WWC1: variants seen among roughly 807,000 people sequenced by gnomAD.
WWC1 encodes WW and C2 domain containing 1.
WWC1 carries 55 observed loss-of-function variants against 138.4 expected under a neutral mutation model. The ratio of observed to expected loss-of-function variants is 0.40; its 90% CI spans 0.32 to 0.50. The LOEUF is 0.50. Ranked by LOEUF, WWC1 falls within the 20% of genes least tolerant of loss-of-function variation. The pLI is 0.72. For missense variants in WWC1, 1,226 were observed against 1,420.4 expected (o/e 0.86, Z 2.20); for synonymous variants, 524 against 564.9 (o/e 0.93, Z 1.03).
chr5:168,422,210 A>G, intron 10 of WWC1, 113 bp downstream of exon 10: 1 of 1,044,302 alleles, frequency 9.6e-7, no homozygotes, highest in Non-Finnish European at 1.4e-6. Context: ...TTGAGAGTGG[A>G]TGTTTAGAAG....
intron 19 of WWC1, among the ~76,000 whole-genome samples, chr5:168,457,463 G>A (rs1287459250): frequency 1.3e-5 from 2 of 152,118 alleles, no homozygotes; most frequent in Non-Finnish European, 2.9e-5. Context: ...CCAGCTCCGC[G>A]TGTCTCAGTC....
chr5:168,389,591 ATTTTTGT>A (rs1323286828), intron 3 of WWC1, among the ~76,000 whole-genome samples: 5 of 88,820 alleles, frequency 5.6e-5, no homozygotes, highest in South Asian at 9.7e-4. Context: ...TAACTATTGA[ATTTTTGT>A]TTTTTTTTTT....
chr5:168,336,196 A>C (rs1027554033), intron 1 of WWC1, among the ~76,000 whole-genome samples: 1 of 152,186 alleles, frequency 6.6e-6, no homozygotes, highest in African/African-American at 2.4e-5. Flanking sequence ...TGATTTCCAA[A>C]GGCCTTTCCA....
chr5:168,429,090 C>T (rs1302159066), intron 13 of WWC1, among the ~76,000 whole-genome samples: 2 of 152,150 alleles, frequency 1.3e-5, no homozygotes, highest in East Asian at 1.9e-4. Context: ...GACCTCCTGC[C>T]TCTCAGTGTG....
rs866179888 is a variant in WWC1, at chr5:168,353,952, T to C, written c.120-17472T>C. On this transcript the variant is annotated intron_variant, in intron 1 of 22. Coordinates refer to ENST00000265293, the MANE Select transcript of WWC1 (RefSeq NM_015238.3). The stretch of plus-strand genomic sequence containing the variant: ...AATAGTTTGTGTGTTTACTTCCAGC[T>C]GGGTTTAAGTTCATACTTGGTGCTG... 1.1e-4 allele frequency among the ~76,000 whole-genome samples: 16 copies of C among 152,372 alleles called. No homozygotes were observed. The Middle Eastern group carries it at 0.01, about 97-fold the overall frequency.
At chr5:168,437,649 A>G (rs1444637816) in intron 15 of WWC1, among the ~76,000 whole-genome samples, 2 of 152,224 alleles carry the variant, frequency 1.3e-5, no homozygotes, top group East Asian at 1.9e-4. Context: ...GAATAAATGA[A>G]TGAATGAATA....
At chr5:168,460,820 CT>C in intron 20 of WWC1, 78 bp downstream of exon 20, 1 of 1,410,724 alleles carries the variant, frequency 7.1e-7, no homozygotes, top group East Asian at 2.3e-5. Context: ...GCACACACAT[CT>C]CCTAATGTCT....
At chr5:168,452,943 G>C (rs1319471473) in intron 17 of WWC1, among the ~76,000 whole-genome samples, 1 of 152,226 alleles carries the variant, frequency 6.6e-6, no homozygotes, top group Non-Finnish European at 1.5e-5. Flanking sequence ...GGAGTGAACT[G>C]TCTGGGCGCG....
chr5:168,355,368 C>G (rs1775313795), intron 1 of WWC1, among the ~76,000 whole-genome samples: 1 of 151,918 alleles, frequency 6.6e-6, no homozygotes, highest in Non-Finnish European at 1.5e-5. Flanking sequence ...GTGGTGGGGG[C>G]CTGGAATCCC....
rs185873833 is a variant in WWC1, at chr5:168,452,319, A to G, written c.2526-1649A>G. On this transcript the variant is annotated intron_variant, in intron 17 of 22. Transcript: ENST00000265293. ...TTCAAACATTGAAGCCCTAACCCCTAGTACCTCAGAATGTGACTGTATTTG... is the reference window on the plus strand; with the variant it reads ...TTCAAACATTGAAGCCCTAACCCCTGGTACCTCAGAATGTGACTGTATTTG... Among the ~76,000 whole-genome samples the G allele has an allele frequency of 2.4e-4, 37 of 152,320 alleles. No homozygotes were observed. The East Asian group carries it at 6.8e-3, about 28-fold the overall frequency.
chr5:168,430,182 G>T lies in WWC1; in HGVS notation c.2046G>T (p.Leu682=). The change falls in exon 14 of 23, where the codon CTG becomes CTT. Residue 682 remains leucine (L), a synonymous_variant. Transcript: ENST00000265293. ...AATTTGCAATATTAATCATCCAGCT[G>T]AGTAACCTTTCTGCTCTGTTGCAGC... ...NKQFAILIIQ[L]SNLSALLQQQ... The T allele has an allele frequency of 6.2e-7, 1 of 1,614,122 alleles. No individual in the cohort carries two copies. Among genetic ancestry groups the T allele is most frequent in the South Asian group, 1.1e-5 (1 of 91,032 alleles).
chr5:168,373,491 T>C (rs921828983), intron 2 of WWC1, among the ~76,000 whole-genome samples: 1 of 151,902 alleles, frequency 6.6e-6, no homozygotes, highest in Non-Finnish European at 1.5e-5. Flanking sequence ...TTGATAGCAA[T>C]ATAGTAGGAA....
chr5:168,412,038 C>T lies in WWC1; in HGVS notation c.941+2043C>T, dbSNP rs1405710249. 2.8e-5 allele frequency: 28 copies of T among 985,324 alleles called. No homozygotes were observed. The Admixed American group carries it at 1.5e-3, about 54-fold the overall frequency. The allele number at this position is 985,324 out of a possible 1,614,324, so 61.0% of individuals were successfully genotyped here. A position where few individuals can be genotyped will look rare whatever the true frequency, so the allele number is the denominator to read the frequency against. ...GGCGTCCAGCAAAACAGCAAGACAT[C>T]TGTATTTGGACAGCCACTTCTTGTT... On this transcript the variant is annotated intron_variant, in intron 8 of 22. Transcript: ENST00000265293.
intron 15 of WWC1, among the ~76,000 whole-genome samples, chr5:168,433,737 CATGTTGGCCAGGCTGA>C (rs1344541255): frequency 6.6e-6 from 1 of 152,098 alleles, no homozygotes; most frequent in African/African-American, 2.4e-5. Flanking sequence ...GGGGTTTTGC[CATGTTGGCCAGGCTGA>C]TCTTGAACTC....
At chr5:168,434,267 G>A (rs1247906161) in intron 15 of WWC1, among the ~76,000 whole-genome samples, 9 of 152,206 alleles carry the variant, frequency 5.9e-5, no homozygotes, top group South Asian at 2.1e-4. Context: ...CTCTGCCTGC[G>A]GCCAATGGGA....
At chr5:168,463,463 A>G (rs1176595391) in intron 20 of WWC1, among the ~76,000 whole-genome samples, 1 of 152,208 alleles carries the variant, frequency 6.6e-6, no homozygotes, top group Admixed American at 6.5e-5. Flanking sequence ...CTTTAAGGCC[A>G]GCAGAAGAGC....
intron 1 of WWC1, among the ~76,000 whole-genome samples, chr5:168,369,683 A>G (rs772886428): frequency 1.8e-4 from 27 of 152,154 alleles, no homozygotes; most frequent in Non-Finnish European, 3.2e-4. Context: ...TATTCATTCA[A>G]CCAAAAGGTA....
chr5:168,433,406 G>A (rs1782101543), intron 15 of WWC1, among the ~76,000 whole-genome samples: 1 of 152,196 alleles, frequency 6.6e-6, no homozygotes, highest in Non-Finnish European at 1.5e-5. Flanking sequence ...CTGGATATCG[G>A]TTCCCATCTC....
rs1386597184 is a variant in WWC1 at position 168,422,786 on chromosome 5, T to TA, written c.1274+690dup. 2.6e-5 allele frequency among the ~76,000 whole-genome samples: 4 copies of TA among 152,334 alleles called. No homozygotes were observed. In the East Asian group the frequency reaches 7.7e-4, roughly 29 times the overall value. On this transcript the variant is annotated intron_variant, in intron 10 of 22. Coordinates refer to ENST00000265293, the MANE Select transcript of WWC1 (RefSeq NM_015238.3). ...GTGGTCTTCTCTTTGTAGTAAGTGA[T>TA]ACTGCTTTTCAAATTACACTTAGGA...
Sources: gnomAD v4.1 joint callset for allele counts (sites outside exome capture counted in the v4.1 genomes callset) on GRCh38, gnomAD v4.1.1 for gene constraint, MANE v1.5 for transcripts, NCBI Gene and HGNC (gene_info 2026-07-23, HGNC 2026-07-21) for gene names.